NRP2: variants seen among roughly 807,000 people sequenced by gnomAD.
NRP2 encodes the protein neuropilin 2.
NRP2 carries 52 observed loss-of-function variants against 110.4 expected under a neutral mutation model. That is an observed-to-expected ratio of 0.47 (90% CI 0.38 to 0.59). The LOEUF (loss-of-function observed/expected upper bound fraction) is 0.59. NRP2 is among the 20% of genes least tolerant of loss of function. The pLI, the probability that NRP2 is intolerant of heterozygous loss-of-function variation, is 0.00. For synonymous variants in NRP2, 508 were observed against 468.9 expected (o/e 1.08, Z -1.08); for missense variants, 1,049 against 1,203.0 (o/e 0.87, Z 1.89).
chr2:205,782,408 G>A (rs1180031209), intron 15 of NRP2, among the ~76,000 whole-genome samples: 3 of 152,114 alleles, frequency 2.0e-5, no homozygotes, highest in Non-Finnish European at 4.4e-5. Context: ...GCTGCTGGAG[G>A]GAGACTTTAT....
chr2:205,749,843 T>C lies in NRP2; in HGVS notation c.1903+2T>C. 6.2e-7 allele frequency: 1 copy of C among 1,611,320 alleles called. No individual in the cohort carries two copies. Among genetic ancestry groups the C allele is most frequent in the Non-Finnish European group, 8.5e-7 (1 of 1,177,620 alleles). ...GGGAGAACTGCAGCTTTGAGGATGG[T>C]AAGCACAAATTGCCTCCAGATGGCA... On this transcript the variant is annotated splice_donor_variant, in intron 11 of 16. Transcript: ENST00000357785. LOFTEE classifies it high-confidence loss of function.
intron 15 of NRP2, 36 bp downstream of exon 15, chr2:205,766,839 T>G: frequency 3.1e-6 from 5 of 1,592,242 alleles, no homozygotes; most frequent in Middle Eastern, 1.7e-4. Flanking sequence ...ATTTTTTTTT[T>G]GCATGCTTTT....
rs10773 is a variant in NRP2 at position 205,797,612 on chromosome 2, G to C, written c.*2554G>C. ...GATACCACACCAAGGCTGGAGGCTG[G>C]TCTGTCATAAGACAGAAAGAAAGAC... On this transcript the variant is annotated 3_prime_UTR_variant, in exon 17 of 17. Transcript: ENST00000357785. 0.32 allele frequency: 48,201 copies of C among 152,410 alleles called. 8,178 individuals are homozygous for C. The highest frequency in any genetic ancestry group is 0.57 in the South Asian group (2,759 of 4,818). The allele number at this position is 152,410 out of a possible 1,614,324, so 9.4% of individuals were successfully genotyped here.
At chr2:205,756,978 T>A (rs944896982) in intron 12 of NRP2, 2 of 152,234 alleles carry the variant, frequency 1.3e-5, no homozygotes, top group Non-Finnish European at 2.9e-5. Context: ...TCATTTTTAT[T>A]GTCAGGAATG....
chr2:205,722,262 T>C (rs1337307238), intron 3 of NRP2: 2 of 582,796 alleles, frequency 3.4e-6, no homozygotes, highest in Non-Finnish European at 6.1e-6. Flanking sequence ...CTGCTCTCAC[T>C]CTAATAATTA....
At chr2:205,707,710 C>T (rs2056709623) in intron 2 of NRP2, among the ~76,000 whole-genome samples, 1 of 152,210 alleles carries the variant, frequency 6.6e-6, no homozygotes, top group South Asian at 2.1e-4. Context: ...AGTACACTTC[C>T]GTTCCCAGCA....
intron 16 of NRP2, 153 bp from the exon 17 acceptor site, chr2:205,794,601 C>T (rs1000070137): frequency 2.6e-5 from 20 of 776,436 alleles, no homozygotes; most frequent in Middle Eastern, 3.6e-4. Flanking sequence ...AGCTAGGATG[C>T]GGCCAGGCTG....
At chr2:205,776,309 C>T (rs776768121) in intron 15 of NRP2, 1 of 1,613,220 alleles carries the variant, frequency 6.2e-7, no homozygotes, top group Non-Finnish European at 8.5e-7. Flanking sequence ...CCCATCCCAG[C>T]CTACTGGTAT....
intron 16 of NRP2, among the ~76,000 whole-genome samples, chr2:205,794,271 C>G (rs551736680): frequency 1.3e-5 from 2 of 152,012 alleles, no homozygotes; most frequent in Non-Finnish European, 2.9e-5. Context: ...CCACCACGCC[C>G]GGCTAATTTT....
At chr2:205,703,297 T>C (rs183813348) in intron 2 of NRP2, among the ~76,000 whole-genome samples, 2 of 152,350 alleles carry the variant, frequency 1.3e-5, no homozygotes, top group Non-Finnish European at 2.9e-5. Flanking sequence ...AAAATGGTAA[T>C]AGACCATTCA....
intron 7 of NRP2, among the ~76,000 whole-genome samples, chr2:205,730,802 C>G (rs1439420218): frequency 6.6e-6 from 1 of 152,220 alleles, no homozygotes; most frequent in Non-Finnish European, 1.5e-5. Flanking sequence ...TTGCAAAACA[C>G]TGTTTACAAT....
intron 9 of NRP2, 150 bp downstream of exon 9, chr2:205,743,702 T>G: frequency 7.0e-7 from 1 of 1,429,512 alleles, no homozygotes; most frequent in South Asian, 1.5e-5. Flanking sequence ...GAGATTACTT[T>G]GTGCCAGGCA....
chr2:205,700,678 C>T (rs762508419), intron 2 of NRP2: 14 of 518,430 alleles, frequency 2.7e-5, no homozygotes, highest in African/African-American at 9.6e-5. Context: ...TTCCCCTAAC[C>T]GTTGCTTATT....
At chr2:205,713,824 A>G (rs1434185574) in intron 2 of NRP2, among the ~76,000 whole-genome samples, 1 of 152,154 alleles carries the variant, frequency 6.6e-6, no homozygotes, top group Non-Finnish European at 1.5e-5. Context: ...AAATATATGC[A>G]CAAAGATGCA....
intron 1 of NRP2, among the ~76,000 whole-genome samples, chr2:205,694,659 C>A (rs2056385272): frequency 6.6e-6 from 1 of 152,154 alleles, no homozygotes; most frequent in Non-Finnish European, 1.5e-5. Context: ...GAACAGCAAC[C>A]ATGTATAAAG....
chr2:205,741,291 C>T (rs913473990), intron 8 of NRP2, among the ~76,000 whole-genome samples: 1 of 152,176 alleles, frequency 6.6e-6, no homozygotes. Context: ...TTTGACCCAG[C>T]CTAGGAGCTC....
At chr2:205,733,244 C>T (rs1040432766) in intron 7 of NRP2, among the ~76,000 whole-genome samples, 3 of 152,194 alleles carry the variant, frequency 2.0e-5, no homozygotes. Context: ...CCAGCGTCAC[C>T]CAGCTCCCGT....
intron 2 of NRP2, among the ~76,000 whole-genome samples, chr2:205,714,028 G>A (rs770396645): frequency 3.5e-4 from 54 of 152,282 alleles, no homozygotes; most frequent in Non-Finnish European, 4.0e-4. Context: ...AAACAGGGTC[G>A]CTTCTGCTCT....
chr2:205,762,691 T>C (rs867344), intron 12 of NRP2, among the ~76,000 whole-genome samples: 95,891 of 152,050 alleles, frequency 0.63, 30,824 homozygotes, highest in Non-Finnish European at 0.7. Context: ...AAAGAGGTAC[T>C]GAGATTTCCT....
Sources: gnomAD v4.1 joint callset for allele counts (sites outside exome capture counted in the v4.1 genomes callset) on GRCh38, gnomAD v4.1.1 for gene constraint, MANE v1.5 for transcripts, NCBI Gene and HGNC (gene_info 2026-07-23, HGNC 2026-07-21) for gene names.